GLE1: variants seen among roughly 807,000 people sequenced by gnomAD.
GLE1 encodes the protein mRNA export factor GLE1.
Under a neutral mutation model 97.3 loss-of-function variants are expected in GLE1, and 78 were observed. The observed-to-expected ratio is 0.80, with a 90% CI of 0.67 to 0.97. The LOEUF is 0.97. Ranked by LOEUF, GLE1 falls within the 50% of genes least tolerant of loss-of-function variation. The probability of loss-of-function intolerance (pLI) is 0.00; values close to 1 mark genes in which losing one functional copy is unlikely to be tolerated. For synonymous variants in GLE1, 302 were observed against 313.4 expected, an observed-to-expected ratio of 0.96 and a Z score of 0.39; for missense variants, 753 against 857.5, an observed-to-expected ratio of 0.88 and a Z score of 1.52.
chr9:128,508,884 A>T lies in GLE1; in HGVS notation c.108A>T (p.Leu36Phe). 1 of 1,583,762 alleles carries T rather than the reference A, an allele frequency of 6.3e-7. No homozygotes were observed. Among genetic ancestry groups the T allele is most frequent in the Non-Finnish European group, 8.7e-7 (1 of 1,152,352 alleles). ...RDWLLRREDV[L>F]EECMSLPKLS... ...CCTATTCTTTTCTCTAGGATGTTTT[A>T]GAAGAATGTATGTCTCTTCCCAAGC... Residue 36 changes from leucine to phenylalanine, a missense_variant, in exon 2 of 16, where the codon TTA (leucine) becomes TTT (phenylalanine). Physicochemically the swap from Leu to Phe is conservative, Grantham distance 22. Coordinates refer to ENST00000309971, the MANE Select transcript of GLE1 (RefSeq NM_001003722.2).
intron 13 of GLE1, among the ~76,000 whole-genome samples, chr9:128,539,350 CTTTAGGAAGGCGTCCA>C (rs1847820296): frequency 6.6e-6 from 1 of 152,140 alleles, no homozygotes; most frequent in African/African-American, 2.4e-5. Context: ...TATACCATAC[CTTTAGGAAGGCGTCCA>C]TTCATTAGAG....
At chr9:128,511,843 T>A (rs1004955138) in intron 2 of GLE1, among the ~76,000 whole-genome samples, 1 of 152,188 alleles carries the variant, frequency 6.6e-6, no homozygotes, top group Non-Finnish European at 1.5e-5. Flanking sequence ...CGAAGTCTCA[T>A]TCTTGTCCCC....
At chr9:128,515,397 A>ATTTTTT in intron 2 of GLE1, 132 bp from the exon 3 acceptor site, 1 of 596,924 alleles carries the variant, frequency 1.7e-6, no homozygotes, top group Non-Finnish European at 3.0e-6. Context: ...TCTGACCTAA[A>ATTTTTT]TTTTTTTTTT....
At chr9:128,538,461 G>A (rs747798118) in intron 13 of GLE1, among the ~76,000 whole-genome samples, 1 of 151,608 alleles carries the variant, frequency 6.6e-6, no homozygotes, top group South Asian at 2.1e-4. Context: ...TCAGGAGTTC[G>A]AGCCCAGCTG....
At chr9:128,534,372 A>C (rs1847628035) in intron 11 of GLE1, among the ~76,000 whole-genome samples, 1 of 150,408 alleles carries the variant, frequency 6.6e-6, no homozygotes, top group Non-Finnish European at 1.5e-5. Flanking sequence ...GTGTCTCAAA[A>C]AAGAAAGAAA....
intron 13 of GLE1, among the ~76,000 whole-genome samples, chr9:128,538,348 G>T (rs1458657239): frequency 6.6e-6 from 1 of 152,104 alleles, no homozygotes; most frequent in African/African-American, 2.4e-5. Context: ...GTGAAAAGAG[G>T]AATTTGTTTT....
In GLE1 at chr9:128,541,545, T is replaced by A. The variant is rs904916491; in HGVS notation, c.*375T>A. The A allele has an allele frequency of 7.5e-5, 21 of 280,082 alleles. No homozygotes were observed. The highest frequency in any genetic ancestry group is 1.2e-4 in the Non-Finnish European group (17 of 144,958). The allele number at this position is 280,082 out of a possible 1,614,324, so 17.3% of individuals were successfully genotyped here. On this transcript the variant is annotated 3_prime_UTR_variant, in exon 16 of 16. Transcript: ENST00000309971. ...AGGGAGCCCACCATTTGCACCCACC[T>A]ACCCACCCTCACCCCTGTTCAGATG... is the stretch of plus-strand genomic sequence containing the variant.
chr9:128,529,038 T>C (rs1174907371), intron 9 of GLE1: 1 of 152,234 alleles, frequency 6.6e-6, no homozygotes, highest in African/African-American at 2.4e-5. Flanking sequence ...CTGCCCTTGA[T>C]AGGCAGTCCA....
At chr9:128,525,857 G>A (rs1488148806) in intron 7 of GLE1, among the ~76,000 whole-genome samples, 3 of 152,002 alleles carry the variant, frequency 2.0e-5, no homozygotes, top group Non-Finnish European at 2.9e-5. Context: ...CCCAGGAGCT[G>A]GAGGTTGCAG....
In GLE1 at chr9:128,523,646, C is replaced by A; in HGVS notation, c.697C>A (p.Gln233Lys). The change falls in exon 6 of 16, where the codon CAG becomes AAG. Residue 233 changes from glutamine to lysine, a missense_variant. By Grantham distance (53) the Gln-to-Lys change is moderately conservative (BLOSUM62 1). Coordinates refer to ENST00000309971, the MANE Select transcript of GLE1 (RefSeq NM_001003722.2). The part of the protein sequence containing the change: ...AEQQRVKQAE[Q>K]ERLRKEEGQI... The stretch of plus-strand genomic sequence containing the variant: ...GCAGCAGCGCGTGAAGCAAGCAGAA[C>A]AGGAGCGGCTTCGGAAGGAAGAAGG... The A allele has an allele frequency of 6.2e-7, 1 of 1,614,080 alleles. No homozygotes were observed. Among genetic ancestry groups the A allele is most frequent in the Non-Finnish European group, 8.5e-7 (1 of 1,180,000 alleles).
rs745490161 is a variant in GLE1, at chr9:128,527,180, C to A, written c.1131C>A (p.Asp377Glu). 3.9e-6 allele frequency: 6 copies of A among 1,545,828 alleles called. No individual in the cohort carries two copies. In the Middle Eastern group the frequency reaches 5.0e-4, roughly 130 times the overall value. The change falls in exon 8 of 16, where the codon GAC (aspartate) becomes GAA (glutamate). Residue 377 changes from aspartate to glutamate, a missense_variant and splice_region_variant. Physicochemically the swap from Asp to Glu is conservative, Grantham distance 45. Transcript: ENST00000309971. Reference sequence around the variant, plus strand: ...TAAAACCTCTCTTTTATTTCTCAGACCTCCAGGTGAAGGTACAAGACATTA... The same window carrying A: ...TAAAACCTCTCTTTTATTTCTCAGAACTCCAGGTGAAGGTACAAGACATTA... Reference protein sequence around the residue: ...SQGPGGKQNEDLQVKVQDITM... With the variant: ...SQGPGGKQNEELQVKVQDITM...
chr9:128,510,948 G>A (rs748808521), intron 2 of GLE1, among the ~76,000 whole-genome samples: 6 of 150,618 alleles, frequency 4.0e-5, no homozygotes, highest in Non-Finnish European at 8.8e-5. Flanking sequence ...TGGCTCACAC[G>A]TGTAATCCCA....
At chr9:128,515,440 G>T (rs1846954448) in intron 2 of GLE1, 89 bp from the exon 3 acceptor site, 1 of 749,140 alleles carries the variant, frequency 1.3e-6, no homozygotes, top group Admixed American at 2.0e-5. Context: ...CATAAGTTGG[G>T]ATGTGGTCTT....
intron 11 of GLE1, 79 bp from the exon 12 acceptor site, chr9:128,536,275 CT>C: frequency 9.1e-7 from 1 of 1,098,184 alleles, no homozygotes; most frequent in South Asian, 1.2e-5. Flanking sequence ...CTCAAGTGAT[CT>C]GCCCACCTTG....
chr9:128,535,585 C>T (rs1456931340), intron 11 of GLE1, among the ~76,000 whole-genome samples: 2 of 150,160 alleles, frequency 1.3e-5, no homozygotes, highest in Non-Finnish European at 2.9e-5. Context: ...CTTTGTGAGG[C>T]TGAGGCGGGC....
At chr9:128,510,574 G>A (rs1206545904) in intron 2 of GLE1, among the ~76,000 whole-genome samples, 1 of 142,162 alleles carries the variant, frequency 7.0e-6, no homozygotes, top group African/African-American at 2.6e-5. Flanking sequence ...TGTCACCCAG[G>A]CTGGAGTACA....
In GLE1 at chr9:128,541,986, TTAAA is replaced by T. The variant is rs1278336175; in HGVS notation, c.*821_*824del. 1 of 152,184 alleles carries T rather than the reference TTAAA, an allele frequency of 6.6e-6. No individual in the cohort carries two copies. The highest frequency in any genetic ancestry group is 1.5e-5 in the Non-Finnish European group (1 of 68,046). 9.4% of individuals were successfully genotyped at this position (152,184 alleles called of 1,614,324 possible). On this transcript the variant is annotated 3_prime_UTR_variant, in exon 16 of 16. Transcript: ENST00000309971. ...AGCATCCATAAGCATTGAATTGGGATTAAATAAAGATGTTGGGCAGGAACTGAAC... is the reference window on the plus strand; with the variant it reads ...AGCATCCATAAGCATTGAATTGGGATTAAAGATGTTGGGCAGGAACTGAAC...
intron 14 of GLE1, 36 bp downstream of exon 14, chr9:128,539,734 G>C: frequency 6.2e-7 from 1 of 1,613,924 alleles, no homozygotes; most frequent in Non-Finnish European, 8.5e-7. Flanking sequence ...AGGGGATTAA[G>C]TAACTCATAA....
intron 15 of GLE1, chr9:128,540,694 A>G (rs1403091049): frequency 2.7e-6 from 1 of 367,136 alleles, no homozygotes; most frequent in African/African-American, 2.1e-5. Context: ...ATGAGATCAA[A>G]CTGCACTTTC....
Sources: allele counts gnomAD v4.1 joint callset (sites outside exome capture counted in the v4.1 genomes callset), GRCh38; gene constraint gnomAD v4.1.1; transcripts MANE v1.5; gene names NCBI Gene and HGNC (gene_info 2026-07-23, HGNC 2026-07-21).